TRERF1: variants seen among roughly 807,000 people sequenced by gnomAD.
TRERF1 encodes transcriptional regulating factor 1.
TRERF1 carries 27 observed loss-of-function variants against 122.9 expected under a neutral mutation model. The ratio of observed to expected loss-of-function variants is 0.22; its 90% CI spans 0.16 to 0.30. TRERF1 has a LOEUF of 0.30. Ranked by LOEUF, TRERF1 falls within the 10% of genes least tolerant of loss-of-function variation. The pLI, the probability that TRERF1 is intolerant of heterozygous loss-of-function variation, is 1.00. For missense variants in TRERF1, 1,248 were observed against 1,560.3 expected, an observed-to-expected ratio of 0.80 and a Z score of 3.37; for synonymous variants, 636 against 641.7, an observed-to-expected ratio of 0.99 and a Z score of 0.13.
At chr6:42,380,436 A>C (rs1775722960) in intron 2 of TRERF1, among the ~76,000 whole-genome samples, 1 of 152,214 alleles carries the variant, frequency 6.6e-6, no homozygotes, top group African/African-American at 2.4e-5. Context: ...GCCAGGCTGA[A>C]GCCCAGCATA....
At chr6:42,322,838 T>C (rs1763668600) in intron 3 of TRERF1, among the ~76,000 whole-genome samples, 1 of 152,066 alleles carries the variant, frequency 6.6e-6, no homozygotes, top group African/African-American at 2.4e-5. Flanking sequence ...CGCTCCCTGC[T>C]TTCTGCCTAT....
chr6:42,312,285 T>TA (rs1360162827), intron 3 of TRERF1, among the ~76,000 whole-genome samples: 1 of 152,140 alleles, frequency 6.6e-6, no homozygotes, highest in Non-Finnish European at 1.5e-5. Context: ...GGGCAGCAGA[T>TA]AGATGAGCCC....
chr6:42,262,472 A>G (rs1582651900), intron 8 of TRERF1, among the ~76,000 whole-genome samples: 1 of 2,648 alleles, frequency 3.8e-4, no homozygotes, highest in African/African-American at 1.8e-3. Flanking sequence ...GAGAGGAGAG[A>G]GAGAGAGAGA....
At chr6:42,283,691 A>G (rs2150068118) in intron 4 of TRERF1, among the ~76,000 whole-genome samples, 1 of 138,348 alleles carries the variant, frequency 7.2e-6, no homozygotes, top group African/African-American at 2.8e-5. Context: ...ATCTCGGCTC[A>G]CCACAACCTC....
At chr6:42,342,221 T>C (rs1351051166) in intron 3 of TRERF1, among the ~76,000 whole-genome samples, 2 of 152,172 alleles carry the variant, frequency 1.3e-5, no homozygotes, top group African/African-American at 4.8e-5. Context: ...GCTTAGGGCA[T>C]TCAGTTCATC....
At chr6:42,330,160 T>C (rs1765012711) in intron 3 of TRERF1, among the ~76,000 whole-genome samples, 1 of 152,106 alleles carries the variant, frequency 6.6e-6, no homozygotes, top group Non-Finnish European at 1.5e-5. Context: ...AAATGGGTTA[T>C]AGGCAAGCCA....
chr6:42,380,675 A>G (rs1581898428), intron 2 of TRERF1, among the ~76,000 whole-genome samples: 1 of 152,206 alleles, frequency 6.6e-6, no homozygotes, highest in Non-Finnish European at 1.5e-5. Context: ...CCCACCTTAT[A>G]GCAATTTCTC....
chr6:42,376,826 C>A (rs376366946), intron 2 of TRERF1, among the ~76,000 whole-genome samples: 21 of 151,926 alleles, frequency 1.4e-4, no homozygotes, highest in African/African-American at 5.1e-4. Context: ...CAGGCGTGAG[C>A]CACCGCACCT....
intron 4 of TRERF1, among the ~76,000 whole-genome samples, chr6:42,297,463 G>T (rs912054628): frequency 6.6e-6 from 1 of 152,138 alleles, no homozygotes. Flanking sequence ...AGAGCCTAGG[G>T]AGACCCCTCC....
chr6:42,339,054 C>G (rs891686121), intron 3 of TRERF1, among the ~76,000 whole-genome samples: 1 of 152,084 alleles, frequency 6.6e-6, no homozygotes, highest in Admixed American at 6.5e-5. Flanking sequence ...CCAGGACTGA[C>G]GAAAGCAGCA....
At chr6:42,305,087 C>T (rs907227722) in intron 3 of TRERF1, among the ~76,000 whole-genome samples, 3 of 152,210 alleles carry the variant, frequency 2.0e-5, no homozygotes, top group Non-Finnish European at 1.5e-5. Flanking sequence ...TACTTACAAC[C>T]ATCCTGCTGA....
At chr6:42,331,516 C>T (rs1040636179) in intron 3 of TRERF1, among the ~76,000 whole-genome samples, 2 of 152,210 alleles carry the variant, frequency 1.3e-5, no homozygotes, top group Non-Finnish European at 2.9e-5. Context: ...CTAGGTCACC[C>T]CAAGTACCAG....
intron 2 of TRERF1, among the ~76,000 whole-genome samples, chr6:42,434,537 A>G (rs1784958184): frequency 6.6e-6 from 1 of 151,752 alleles, no homozygotes; most frequent in East Asian, 1.9e-4. Flanking sequence ...ACAAGCCCAA[A>G]TCTCCCAAAT....
chr6:42,329,395 C>A (rs558811617), intron 3 of TRERF1, among the ~76,000 whole-genome samples: 1 of 152,056 alleles, frequency 6.6e-6, no homozygotes, highest in Non-Finnish European at 1.5e-5. Context: ...CAAGGTGGGT[C>A]TTGGAACGCT....
Position 42,263,335 on chromosome 6 carries a change from G to A in TRERF1, c.1869C>T (p.Asp623=), listed in dbSNP as rs781655751. The stretch of plus-strand genomic sequence containing the variant: ...TCATCCTCACGAGCACAGGCATCTC[G>A]TCGTCCGACATCGAGCTGGCTGGCT... Residue 623 remains aspartate, a synonymous_variant, in exon 8 of 18, where the codon GAC becomes GAT. Coordinates refer to ENST00000372922, the Ensembl canonical transcript of TRERF1. The surrounding 1 kb of genome is among the most constrained non-coding windows in gnomAD (Gnocchi z 5.6). 3.1e-6 allele frequency: 5 copies of A among 1,612,456 alleles called. No homozygotes were observed. The highest frequency in any genetic ancestry group is 4.2e-6 in the Non-Finnish European group (5 of 1,179,308).
At chr6:42,338,776 G>A (rs1274410255) in intron 3 of TRERF1, among the ~76,000 whole-genome samples, 3 of 152,256 alleles carry the variant, frequency 2.0e-5, no homozygotes, top group South Asian at 2.1e-4. Flanking sequence ...AGGTCCTTCC[G>A]CACCATAATA....
At chr6:42,359,830 A>G (rs577639386) in intron 3 of TRERF1, among the ~76,000 whole-genome samples, 1 of 152,334 alleles carries the variant, frequency 6.6e-6, no homozygotes, top group African/African-American at 2.4e-5. Context: ...AACTAAGAAT[A>G]TAAGAACATA....
At chr6:42,427,406 C>T (rs1020224467) in intron 2 of TRERF1, among the ~76,000 whole-genome samples, 3 of 151,726 alleles carry the variant, frequency 2.0e-5, no homozygotes, top group African/African-American at 7.3e-5. Context: ...TATAGGCGTG[C>T]ACCACTATGC....
exon 10 of TRERF1, chr6:42,258,168 G>A: frequency 3.1e-6 from 5 of 1,614,178 alleles, no homozygotes; most frequent in Non-Finnish European, 4.2e-6. Context: ...TCCAGGCCCT[G>A]GGGTGACCGT....
Sources: gnomAD v4.1 joint callset for allele counts (sites outside exome capture counted in the v4.1 genomes callset) on GRCh38, gnomAD v4.1.1 for gene constraint, Gnocchi (gnomAD v3.1) non-coding constraint, MANE v1.5 for transcripts, NCBI Gene and HGNC (gene_info 2026-07-23, HGNC 2026-07-21) for gene names.